CDH18: variants seen among roughly 807,000 people sequenced by gnomAD.
The protein encoded by CDH18 is cadherin-18.
In CDH18, 31 loss-of-function variants were observed where a neutral mutation model predicts 67.9. That is an observed-to-expected ratio of 0.46 (90% CI 0.34 to 0.62). The LOEUF (loss-of-function observed/expected upper bound fraction) is 0.62. Ranked by LOEUF, CDH18 falls within the 20% of genes least tolerant of loss-of-function variation. The probability of loss-of-function intolerance (pLI) is 0.01; values close to 1 mark genes in which losing one functional copy is unlikely to be tolerated. For synonymous variants in CDH18, 362 were observed against 347.2 expected, an observed-to-expected ratio of 1.04 and a Z score of -0.48; for missense variants, 890 against 975.5, an observed-to-expected ratio of 0.91 and a Z score of 1.17.
intron 3 of CDH18, among the ~76,000 whole-genome samples, chr5:19,835,373 G>T (rs1464868060): frequency 6.6e-6 from 1 of 151,996 alleles, no homozygotes; most frequent in Admixed American, 6.6e-5. Context: ...CTGTTGGGGG[G>T]TGGGGAGGGA....
intron 1 of CDH18, among the ~76,000 whole-genome samples, chr5:20,377,715 T>C (rs763863758): frequency 3.3e-5 from 5 of 152,314 alleles, no homozygotes; most frequent in Admixed American, 6.5e-5. Context: ...TAAATCATAA[T>C]GTATATAATA....
chr5:20,520,549 C>A (rs1022145748), intron 1 of CDH18, among the ~76,000 whole-genome samples: 10 of 152,052 alleles, frequency 6.6e-5, no homozygotes, highest in African/African-American at 2.4e-4. Context: ...TGCTAATATA[C>A]AAGCATGCTC....
intron 3 of CDH18, among the ~76,000 whole-genome samples, chr5:19,821,361 G>C (rs1779851915): frequency 1.3e-5 from 2 of 148,606 alleles, no homozygotes; most frequent in African/African-American, 2.5e-5. Context: ...TTTGAGCTCA[G>C]AGACTGGTCC....
At chr5:20,272,298 G>A (rs1745494140) in intron 1 of CDH18, among the ~76,000 whole-genome samples, 1 of 152,030 alleles carries the variant, frequency 6.6e-6, no homozygotes, top group South Asian at 2.1e-4. Flanking sequence ...GATGGATTGG[G>A]TCAAAGGTTC....
intron 2 of CDH18, among the ~76,000 whole-genome samples, chr5:20,005,459 A>G (rs971606340): frequency 2.6e-5 from 4 of 151,372 alleles, no homozygotes; most frequent in South Asian, 2.1e-4. Context: ...CTTTCCATGA[A>G]TTGATAAATT....
intron 5 of CDH18, among the ~76,000 whole-genome samples, chr5:19,716,907 G>A (rs1007886766): frequency 1.1e-4 from 16 of 151,896 alleles, no homozygotes; most frequent in African/African-American, 3.9e-4. Flanking sequence ...TATGAAAAAT[G>A]ATACATGAGT....
intron 1 of CDH18, among the ~76,000 whole-genome samples, chr5:20,563,500 T>C (rs768605305): frequency 3.3e-5 from 5 of 152,150 alleles, no homozygotes; most frequent in Non-Finnish European, 5.9e-5. Flanking sequence ...ACTCGTTTTT[T>C]GTGTGTTTTT....
At chr5:19,947,381 T>G (rs1180427846) in intron 2 of CDH18, among the ~76,000 whole-genome samples, 2 of 151,716 alleles carry the variant, frequency 1.3e-5, no homozygotes, top group Non-Finnish European at 2.9e-5. Context: ...AAAAAGACAT[T>G]GAACAAAATC....
At chr5:20,544,839 TCACCCAAA>T (rs1757254235) in intron 1 of CDH18, among the ~76,000 whole-genome samples, 3 of 152,146 alleles carry the variant, frequency 2.0e-5, no homozygotes, top group Non-Finnish European at 4.4e-5. Context: ...TTCCCAACAG[TCACCCAAA>T]GACTTAATTC....
At chr5:20,453,884 A>G (rs1037187008) in intron 1 of CDH18, among the ~76,000 whole-genome samples, 6 of 152,130 alleles carry the variant, frequency 3.9e-5, no homozygotes, top group African/African-American at 7.2e-5. Context: ...TATTTGTAAA[A>G]TGCTTAGAAA....
At chr5:19,960,673 A>ATATATATACACGTG (rs1796762111) in intron 2 of CDH18, among the ~76,000 whole-genome samples, 2 of 136,494 alleles carry the variant, frequency 1.5e-5, no homozygotes, top group Non-Finnish European at 3.0e-5. Context: ...ACACATGTAT[A>ATATATATACACGTG]TATATGTATA....
intron 1 of CDH18, among the ~76,000 whole-genome samples, chr5:20,300,292 T>TTGTGTG: frequency 9.4e-6 from 1 of 106,742 alleles, no homozygotes; most frequent in African/African-American, 2.9e-5. Flanking sequence ...ATAGATTAAG[T>TTGTGTG]TGTGTGTGTG....
upstream of CDH18, among the ~76,000 whole-genome samples, chr5:19,991,712 T>G (rs1248049194): frequency 6.6e-6 from 1 of 152,020 alleles, no homozygotes; most frequent in Non-Finnish European, 1.5e-5. Context: ...AGTTTAAGAA[T>G]TACAGAGTAG....
At chr5:20,265,046 A>G (rs1372834774) in intron 1 of CDH18, among the ~76,000 whole-genome samples, 1 of 152,194 alleles carries the variant, frequency 6.6e-6, no homozygotes, top group Non-Finnish European at 1.5e-5. Context: ...AATAAACTCA[A>G]TTCAATCTCA....
At chr5:19,631,797 C>T (rs902219874) in intron 5 of CDH18, among the ~76,000 whole-genome samples, 1 of 152,024 alleles carries the variant, frequency 6.6e-6, no homozygotes, top group Non-Finnish European at 1.5e-5. Context: ...ATATCTATTT[C>T]CTTTATTATT....
chr5:19,684,803 C>T lies in CDH18; in HGVS notation c.643+36544G>A, dbSNP rs531316749. ...TATTGATTTCCCACAATTGAAGTTT[C>T]GAGAGGTAGATCCTATTTTATTATA... On this transcript the variant is annotated intron_variant, in intron 5 of 12. Transcript: ENST00000382275. Among the ~76,000 whole-genome samples, 13 of 152,040 alleles carry T rather than the reference C, an allele frequency of 8.6e-5. No homozygotes were observed. In the East Asian group the frequency reaches 1.2e-3, roughly 14 times the overall value.
At position 20,011,029 on chromosome 5, in the gene CDH18, C is replaced by T. The variant is rs1580022761; in HGVS notation, c.-517-19015G>A. Among the ~76,000 whole-genome samples the T allele has an allele frequency of 3.9e-5, 6 of 152,232 alleles. No homozygotes were observed. In the Middle Eastern group the frequency reaches 0.02, roughly 518 times the overall value. On this transcript the variant is annotated intron_variant, in intron 2 of 14. Coordinates refer to the CDH18 transcript ENST00000507958. ...ACATCATTACATATTATCATTTTGC[C>T]TCACAAATAGCGTTTCAATTCCATT...
chr5:19,617,801 T>C (rs918222836), intron 5 of CDH18, among the ~76,000 whole-genome samples: 3 of 152,202 alleles, frequency 2.0e-5, no homozygotes, highest in Non-Finnish European at 4.4e-5. Context: ...CACCTTGATA[T>C]GTAGGGGCTT....
chr5:20,442,992 G>A (rs911102689), intron 1 of CDH18, among the ~76,000 whole-genome samples: 14 of 151,088 alleles, frequency 9.3e-5, no homozygotes, highest in Non-Finnish European at 2.1e-4. Flanking sequence ...GGCGGATCAC[G>A]AGGTCAGGAG....
Sources: allele counts gnomAD v4.1 joint callset (sites outside exome capture counted in the v4.1 genomes callset), GRCh38; gene constraint gnomAD v4.1.1; transcripts MANE v1.5; gene names NCBI Gene and HGNC (gene_info 2026-07-23, HGNC 2026-07-21).